The following FARS2 variants were observed in gnomAD, a reference collection of about 807,000 sequenced individuals.
FARS2 encodes phenylalanine--tRNA ligase, mitochondrial.
A neutral mutation model predicts 46.4 loss-of-function variants in FARS2; 40 were observed. The ratio of observed to expected loss-of-function variants is 0.86; its 90% CI spans 0.67 to 1.12. The LOEUF (loss-of-function observed/expected upper bound fraction) is 1.12. Ranked by LOEUF, FARS2 falls within the 50% of genes most tolerant of loss-of-function variation. The pLI, the probability that FARS2 is intolerant of heterozygous loss-of-function variation, is 0.00. For synonymous variants in FARS2, 234 were observed against 214.9 expected, an observed-to-expected ratio of 1.09 and a Z score of -0.78; for missense variants, 513 against 567.9, an observed-to-expected ratio of 0.90 and a Z score of 0.98.
intron 6 of FARS2, among the ~76,000 whole-genome samples, chr6:5,646,712 G>C (rs530566167): frequency 3.5e-4 from 54 of 152,128 alleles, no homozygotes; most frequent in Non-Finnish European, 6.8e-4. Context: ...TATACTTTAA[G>C]TCATCTCGGG....
chr6:5,520,989 G>A (rs1167704273), intron 4 of FARS2, among the ~76,000 whole-genome samples: 5 of 152,208 alleles, frequency 3.3e-5, no homozygotes, highest in African/African-American at 1.2e-4. Flanking sequence ...TTAACAACAA[G>A]AGTGATAGTC....
intron 1 of FARS2, among the ~76,000 whole-genome samples, chr6:5,307,083 G>A (rs1768761849): frequency 1.3e-5 from 2 of 151,964 alleles, no homozygotes; most frequent in East Asian, 1.9e-4. Flanking sequence ...TGAAAATCTG[G>A]TATTTTAAAA....
chr6:5,704,627 G>A (rs75159595), intron 6 of FARS2, among the ~76,000 whole-genome samples: 2,553 of 152,200 alleles, frequency 0.017, 64 homozygotes, highest in African/African-American at 0.058. Context: ...GTTCATTGAC[G>A]TCCAAAAAAA....
intron 1 of FARS2, among the ~76,000 whole-genome samples, chr6:5,360,780 C>T (rs1384846742): frequency 6.6e-6 from 1 of 152,152 alleles, no homozygotes; most frequent in Non-Finnish European, 1.5e-5. Flanking sequence ...GATAGGATAA[C>T]CAGGATCAGG....
At chr6:5,504,639 T>A (rs1398833719) in intron 4 of FARS2, among the ~76,000 whole-genome samples, 3 of 152,090 alleles carry the variant, frequency 2.0e-5, no homozygotes, top group South Asian at 4.1e-4. Flanking sequence ...CAAGCTCGTA[T>A]CAAACACAAA....
chr6:5,251,469 A>G, the FARS2 span, among the ~76,000 whole-genome samples: 1 of 152,198 alleles, frequency 6.6e-6, no homozygotes, highest in Non-Finnish European at 1.5e-5. Context: ...CAGGAAGCTT[A>G]CAATCATGGC....
intron 5 of FARS2, chr6:5,609,696 G>C: frequency 7.2e-7 from 1 of 1,387,092 alleles, no homozygotes; most frequent in East Asian, 2.3e-5. Context: ...TGGCATTTCT[G>C]AATGACAGTC....
intron 2 of FARS2, among the ~76,000 whole-genome samples, chr6:5,376,354 A>T (rs531544835): frequency 1.3e-5 from 2 of 152,230 alleles, no homozygotes; most frequent in Non-Finnish European, 2.9e-5. Context: ...TTCCAAACTC[A>T]GCAGATTAGC....
intron 6 of FARS2, among the ~76,000 whole-genome samples, chr6:5,693,516 A>G (rs1260238736): frequency 6.6e-6 from 1 of 152,352 alleles, no homozygotes; most frequent in East Asian, 1.9e-4. Context: ...GGAATCATTT[A>G]TCCTTAGCAG....
intron 5 of FARS2, among the ~76,000 whole-genome samples, chr6:5,578,462 G>T (rs147808395): frequency 6.6e-6 from 1 of 152,054 alleles, no homozygotes; most frequent in Non-Finnish European, 1.5e-5. Context: ...GGTGGAATTA[G>T]TACCTTTTCA....
At chr6:5,460,127 C>T (rs1765158507) in intron 4 of FARS2, among the ~76,000 whole-genome samples, 1 of 152,210 alleles carries the variant, frequency 6.6e-6, no homozygotes, top group East Asian at 1.9e-4. Context: ...ATTACCTTTT[C>T]TCTTTCACAT....
intron 4 of FARS2, among the ~76,000 whole-genome samples, chr6:5,532,710 C>T (rs1204842192): frequency 1.3e-5 from 2 of 151,998 alleles, no homozygotes; most frequent in Non-Finnish European, 2.9e-5. Flanking sequence ...AAGATTGTGC[C>T]ATTGCACTCC....
chr6:5,466,409 A>C (rs563428703), intron 4 of FARS2: 17 of 449,130 alleles, frequency 3.8e-5, no homozygotes, highest in Middle Eastern at 1.2e-3. Flanking sequence ...CCCCCACTAG[A>C]TGCTGAGCTC....
At chr6:5,688,233 CTG>C (rs1178327193) in intron 6 of FARS2, among the ~76,000 whole-genome samples, 1 of 152,182 alleles carries the variant, frequency 6.6e-6, no homozygotes, top group Non-Finnish European at 1.5e-5. Flanking sequence ...ACTTCCAACA[CTG>C]TGTTGAATAG....
chr6:5,509,921 T>G (rs1195642978), intron 4 of FARS2, among the ~76,000 whole-genome samples: 1 of 152,228 alleles, frequency 6.6e-6, no homozygotes, highest in Admixed American at 6.5e-5. Flanking sequence ...CAAAATACAT[T>G]ATGTCGCCCA....
chr6:5,324,541 C>G (rs1238043547), intron 1 of FARS2, among the ~76,000 whole-genome samples: 1 of 150,720 alleles, frequency 6.6e-6, no homozygotes, highest in Admixed American at 6.6e-5. Flanking sequence ...AACCATCATC[C>G]CTTTATTTTC....
chr6:5,301,932 T>C (rs557162679), intron 1 of FARS2, among the ~76,000 whole-genome samples: 1 of 152,110 alleles, frequency 6.6e-6, no homozygotes, highest in African/African-American at 2.4e-5. Flanking sequence ...ATGTTGGGAA[T>C]TCACTCAATA....
chr6:5,714,091 C>T (rs1226001785), intron 6 of FARS2, among the ~76,000 whole-genome samples: 1 of 152,104 alleles, frequency 6.6e-6, no homozygotes, highest in Non-Finnish European at 1.5e-5. Flanking sequence ...TGTGAGTGCG[C>T]GTGTGTCGAG....
chr6:5,531,894 A>C (rs1038172902), intron 4 of FARS2, among the ~76,000 whole-genome samples: 1 of 152,212 alleles, frequency 6.6e-6, no homozygotes, highest in East Asian at 1.9e-4. Context: ...TCTCAACAGG[A>C]TACTGCAGTG....
Sources: allele counts gnomAD v4.1 joint callset (sites outside exome capture counted in the v4.1 genomes callset), GRCh38; gene constraint gnomAD v4.1.1; transcripts MANE v1.5; gene names NCBI Gene and HGNC (gene_info 2026-07-23, HGNC 2026-07-21).